PDGFA: variants seen among roughly 807,000 people sequenced by gnomAD.
The protein encoded by PDGFA is platelet-derived growth factor subunit A.
A neutral mutation model predicts 25.6 loss-of-function variants in PDGFA; 9 were observed. The observed-to-expected ratio is 0.35, with a 90% CI of 0.21 to 0.61. The LOEUF is 0.61. Ranked by LOEUF, PDGFA falls within the 20% of genes least tolerant of loss-of-function variation. The pLI, the probability that PDGFA is intolerant of heterozygous loss-of-function variation, is 0.75. For missense variants in PDGFA, 242 were observed against 272.8 expected, an observed-to-expected ratio of 0.89 and a Z score of 0.79; for synonymous variants, 133 against 111.8, an observed-to-expected ratio of 1.19 and a Z score of -1.20.
intron 4 of PDGFA, among the ~76,000 whole-genome samples, chr7:510,027 C>T (rs1370765511): frequency 7.7e-6 from 1 of 130,102 alleles, no homozygotes; most frequent in Non-Finnish European, 1.8e-5. Flanking sequence ...GCAATGCAGG[C>T]TCTGAATATC....
upstream of PDGFA, among the ~76,000 whole-genome samples, chr7:519,638 G>T (rs1783279974): frequency 6.9e-6 from 1 of 145,254 alleles, no homozygotes; most frequent in African/African-American, 2.5e-5. Context: ...TCCGCCCTCC[G>T]CTCGCCGGGG....
At chr7:512,262 T>TC (rs1782885373) in intron 3 of PDGFA, 89 bp downstream of exon 3, 1 of 1,253,604 alleles carries the variant, frequency 8.0e-7, no homozygotes, top group African/African-American at 1.5e-5. Context: ...GGGCAGCTCC[T>TC]CCCCACCCGG....
In PDGFA at chr7:498,318, CTCTT is replaced by C. The variant is rs774236759; in HGVS notation, c.*242_*245del. ...TCATTTGTGGTTTTGTTTTCTCTCT[CTCTT>C]TCTCTCTCTCTCTTTTTGACAAGGA... On this transcript the variant is annotated 3_prime_UTR_variant, in exon 6 of 6. Transcript: ENST00000402802. 4,080 of 465,262 alleles carry C rather than the reference CTCTT, an allele frequency of 8.8e-3. 9 individuals are homozygous for C. Among genetic ancestry groups the C allele is most frequent in the African/African-American group, 0.017 (803 of 48,020 alleles). The allele number at this position is 465,262 out of a possible 1,614,324, so 28.8% of individuals were successfully genotyped here.
At chr7:504,413 C>G (rs1305361486) in intron 4 of PDGFA, among the ~76,000 whole-genome samples, 1 of 152,152 alleles carries the variant, frequency 6.6e-6, no homozygotes, top group Non-Finnish European at 1.5e-5. Flanking sequence ...GAGTCAAGAA[C>G]TGCCCAGGTA....
intron 4 of PDGFA, among the ~76,000 whole-genome samples, chr7:506,705 T>A (rs1316359994): frequency 6.6e-6 from 1 of 152,052 alleles, no homozygotes; most frequent in East Asian, 1.9e-4. Context: ...GAGTCGGGCG[T>A]CCAGGCACCA....
chr7:501,349 C>A (rs1457295096), intron 4 of PDGFA, 107 bp from the exon 5 acceptor site: 1 of 1,350,650 alleles, frequency 7.4e-7, no homozygotes. Context: ...AGCAGCCTGA[C>A]CCCTGACCTC....
At chr7:510,148 G>A (rs759794626) in intron 4 of PDGFA, among the ~76,000 whole-genome samples, 8 of 152,280 alleles carry the variant, frequency 5.3e-5, no homozygotes, top group Admixed American at 3.9e-4. Flanking sequence ...TCGACACCTC[G>A]CAAGGCCCAA....
rs956982431 is a variant in PDGFA, at chr7:511,639, G to A, written c.266-643C>T. 2.6e-5 allele frequency among the ~76,000 whole-genome samples: 4 copies of A among 152,156 alleles called. No homozygotes were observed. In the East Asian group the frequency reaches 7.7e-4, roughly 29 times the overall value. ...GGAGGAAACCACAGCTCAGAGAGGG[G>A]GGTCCACCTGCTCAGGGCCCCAGAG... On this transcript the variant is annotated intron_variant, in intron 3 of 5. Transcript: ENST00000402802.
chr7:514,588 CCTTT>C (rs1245878253), intron 2 of PDGFA, among the ~76,000 whole-genome samples: 3 of 152,230 alleles, frequency 2.0e-5, no homozygotes, highest in African/African-American at 7.2e-5. Flanking sequence ...GGAGGCTTTC[CCTTT>C]TGTCTTTTAG....
At chr7:516,097 T>C (rs1239547533) in intron 2 of PDGFA, among the ~76,000 whole-genome samples, 4 of 125,336 alleles carry the variant, frequency 3.2e-5, no homozygotes, top group African/African-American at 1.2e-4. Context: ...AGGCAAGGGA[T>C]TCCCCCCCAC....
chr7:508,864 C>T (rs150866313), intron 4 of PDGFA, among the ~76,000 whole-genome samples: 75 of 152,282 alleles, frequency 4.9e-4, no homozygotes, highest in African/African-American at 1.8e-3. Flanking sequence ...AACCCCATCC[C>T]GAAAACGGGA....
intron 2 of PDGFA, chr7:512,864 G>A (rs1562491549): frequency 6.4e-6 from 2 of 314,278 alleles, no homozygotes; most frequent in South Asian, 2.9e-5. Flanking sequence ...AGGGGCACAG[G>A]GCTAAGCCAG....
intron 2 of PDGFA, 114 bp from the exon 3 acceptor site, chr7:512,569 T>C: frequency 6.4e-7 from 1 of 1,560,154 alleles, no homozygotes; most frequent in Non-Finnish European, 8.7e-7. Context: ...AACAGGCACC[T>C]GGCGGCACAG....
chr7:516,344 A>G (rs1222896084), intron 2 of PDGFA, among the ~76,000 whole-genome samples: 3 of 152,084 alleles, frequency 2.0e-5, no homozygotes, highest in African/African-American at 7.2e-5. Context: ...ATAATTAGGT[A>G]CAAATTTCCA....
intron 1 of PDGFA, among the ~76,000 whole-genome samples, chr7:518,013 A>T (rs1307743615): frequency 6.6e-6 from 1 of 151,986 alleles, no homozygotes; most frequent in African/African-American, 2.4e-5. Context: ...ACGCGCGCGC[A>T]GACACACACA....
chr7:500,711 C>T lies in PDGFA; in HGVS notation c.580+405G>A, dbSNP rs988610501. 198 of 1,440,064 alleles carry T rather than the reference C, an allele frequency of 1.4e-4. 1 individual carries two copies. The East Asian group carries it at 4.5e-3, about 33-fold the overall frequency. The allele number at this position is 1,440,064 out of a possible 1,614,324, so 89.2% of individuals were successfully genotyped here. On this transcript the variant is annotated intron_variant, in intron 5 of 5. Coordinates refer to ENST00000402802, the Ensembl canonical transcript of PDGFA. This position sits in a 1 kb window ranked among gnomAD's most constrained non-coding sequence, Gnocchi z 5.0. Reference sequence around the variant, plus strand: ...CTGCTCCTGGGTGGAGTCCGCGTGGCGGGGTGAAGGAGAGACCCCAGCCAG... The same window carrying T: ...CTGCTCCTGGGTGGAGTCCGCGTGGTGGGGTGAAGGAGAGACCCCAGCCAG...
intron 2 of PDGFA, among the ~76,000 whole-genome samples, chr7:516,318 A>G (rs1222279143): frequency 2.0e-5 from 3 of 151,806 alleles, no homozygotes; most frequent in African/African-American, 7.3e-5. Flanking sequence ...AAAATAGTTC[A>G]GGCCTCTCCA....
chr7:516,950 G>T (rs1783130543), intron 2 of PDGFA, among the ~76,000 whole-genome samples: 1 of 151,736 alleles, frequency 6.6e-6, no homozygotes, highest in South Asian at 2.1e-4. Context: ...CCTGACCCGG[G>T]GGCCGCCTCC....
Position 500,626 on chromosome 7 carries a change from GA to G in PDGFA, c.580+489del. On this transcript the variant is annotated intron_variant, in intron 5 of 5. Transcript: ENST00000402802. This position sits in a 1 kb window ranked among gnomAD's most constrained non-coding sequence, Gnocchi z 5.0. ...GAGAAGGCCAGCACCCTGGCACCGAGAAACTTCTGAGTCCCCTCATGCTCCC... is the reference window on the plus strand; with the variant it reads ...GAGAAGGCCAGCACCCTGGCACCGAGAACTTCTGAGTCCCCTCATGCTCCC... The G allele has an allele frequency of 6.6e-7, 1 of 1,506,282 alleles. No homozygotes were observed. The highest frequency in any genetic ancestry group is 1.3e-5 in the South Asian group (1 of 78,314). 93.3% of individuals were successfully genotyped at this position (1,506,282 alleles called of 1,614,324 possible). A position where few individuals can be genotyped will look rare whatever the true frequency, so the allele number is the denominator to read the frequency against.
Sources: allele counts gnomAD v4.1 joint callset (sites outside exome capture counted in the v4.1 genomes callset), GRCh38; gene constraint gnomAD v4.1.1; non-coding constraint Gnocchi (gnomAD v3.1); transcripts MANE v1.5; gene names NCBI Gene and HGNC (gene_info 2026-07-23, HGNC 2026-07-21).